The following ATP8B1 variants were observed in gnomAD, a reference collection of about 807,000 sequenced individuals.
The protein encoded by ATP8B1 is ATPase phospholipid transporting 8B1, also known as phospholipid-transporting ATPase IC.
In ATP8B1, 80 loss-of-function variants were observed where a neutral mutation model predicts 149.9. That is an observed-to-expected ratio of 0.53 (90% confidence interval 0.45 to 0.64). ATP8B1 has a LOEUF of 0.64. Among genes scored for constraint, ATP8B1 ranks in the 30% least tolerant of loss-of-function variants. The pLI is 0.00. For missense variants in ATP8B1, 1,247 were observed against 1,552.6 expected (o/e 0.80, Z 3.31); for synonymous variants, 536 against 562.8 (o/e 0.95, Z 0.67).
intron 1 of ATP8B1, among the ~76,000 whole-genome samples, chr18:57,797,026 T>C (rs564464729): frequency 2.0e-5 from 3 of 152,226 alleles, no homozygotes; most frequent in Admixed American, 6.5e-5. Flanking sequence ...ACTCACTAAG[T>C]TCCAGGAAGA....
At chr18:57,658,627 TTGTGTGTGTGTGTGTGTGTGTG>T (rs71171058) in intron 22 of ATP8B1, among the ~76,000 whole-genome samples, 16 of 144,984 alleles carry the variant, frequency 1.1e-4, no homozygotes, top group Admixed American at 7.0e-5. Flanking sequence ...AACAATTTCT[TTGTGTGTGTGTGTGTGTGTGTG>T]TGTGTGTGTG....
At chr18:57,795,286 C>G (rs574560639) in intron 1 of ATP8B1, among the ~76,000 whole-genome samples, 8 of 151,776 alleles carry the variant, frequency 5.3e-5, no homozygotes, top group African/African-American at 1.9e-4. Context: ...GTCTGTAGTC[C>G]CAGACATTTG....
intron 1 of ATP8B1, among the ~76,000 whole-genome samples, chr18:57,756,192 C>CGT (rs2080076192): frequency 1.2e-5 from 1 of 84,756 alleles, no homozygotes. Flanking sequence ...ATTTCCACAA[C>CGT]ATATATATAT....
intron 6 of ATP8B1, among the ~76,000 whole-genome samples, chr18:57,698,186 CCTG>C (rs1303806908): frequency 6.6e-6 from 1 of 152,146 alleles, no homozygotes; most frequent in African/African-American, 2.4e-5. Context: ...AACTTGCCTC[CCTG>C]CTGTGTTCCT....
intron 1 of ATP8B1, among the ~76,000 whole-genome samples, chr18:57,786,276 C>G (rs145614377): frequency 1.1e-3 from 175 of 152,274 alleles, no homozygotes; most frequent in African/African-American, 3.9e-3. Flanking sequence ...CTGCTTCTCA[C>G]CTGCTCAAGG....
At chr18:57,715,175 TAA>T (rs1259327636) in intron 2 of ATP8B1, among the ~76,000 whole-genome samples, 2 of 152,052 alleles carry the variant, frequency 1.3e-5, no homozygotes, top group South Asian at 2.1e-4. Flanking sequence ...TTGAAATAAT[TAA>T]AAAGAGTCAA....
chr18:57,718,103 TAA>T (rs59629558), intron 2 of ATP8B1, among the ~76,000 whole-genome samples: 22 of 31,812 alleles, frequency 6.9e-4, no homozygotes, highest in East Asian at 4.0e-3. Context: ...CTGGACTAAC[TAA>T]AAAAAAAAAA....
chr18:57,782,423 A>G (rs894119730), intron 1 of ATP8B1, among the ~76,000 whole-genome samples: 3 of 152,166 alleles, frequency 2.0e-5, no homozygotes, highest in African/African-American at 7.2e-5. Context: ...ATTTTTTATT[A>G]TGCGTGTAGG....
At chr18:57,650,531 T>G (rs1189475410) in intron 26 of ATP8B1, 34 bp from the exon 27 acceptor site, 1 of 1,606,974 alleles carries the variant, frequency 6.2e-7, no homozygotes, top group African/African-American at 1.3e-5. Flanking sequence ...TCACTGTGGT[T>G]CTTTTTTCCT....
intron 17 of ATP8B1, among the ~76,000 whole-genome samples, chr18:57,670,991 G>C (rs867751326): frequency 6.6e-6 from 1 of 152,226 alleles, no homozygotes; most frequent in Non-Finnish European, 1.5e-5. Context: ...CTACAGGCAT[G>C]AGACACCAAA....
chr18:57,760,058 A>T (rs1334415005), intron 1 of ATP8B1, among the ~76,000 whole-genome samples: 1 of 152,140 alleles, frequency 6.6e-6, no homozygotes, highest in Non-Finnish European at 1.5e-5. Flanking sequence ...CAAACCCTCT[A>T]CATACCAGCA....
intron 1 of ATP8B1, among the ~76,000 whole-genome samples, chr18:57,758,844 C>A (rs2080113375): frequency 6.6e-6 from 1 of 151,910 alleles, no homozygotes; most frequent in Admixed American, 6.6e-5. Flanking sequence ...ATGTATAAAT[C>A]ATTTTCCTGG....
chr18:57,755,060 A>G (rs1327663117), intron 1 of ATP8B1, among the ~76,000 whole-genome samples: 1 of 152,094 alleles, frequency 6.6e-6, no homozygotes, highest in East Asian at 1.9e-4. Flanking sequence ...AGAAATAGAA[A>G]TTGTCTTTAC....
At chr18:57,707,159 A>AG (rs1318340663) in intron 2 of ATP8B1, among the ~76,000 whole-genome samples, 1 of 152,110 alleles carries the variant, frequency 6.6e-6, no homozygotes, top group African/African-American at 2.4e-5. Context: ...AGCCAGGTGC[A>AG]GTGGCGGGCA....
intron 1 of ATP8B1, among the ~76,000 whole-genome samples, chr18:57,785,270 C>T (rs1419605672): frequency 6.6e-6 from 1 of 152,138 alleles, no homozygotes; most frequent in Non-Finnish European, 1.5e-5. Flanking sequence ...TGGATTTTCC[C>T]CTGTATGTAA....
chr18:57,676,737 AAG>A (rs1911621796), intron 15 of ATP8B1, among the ~76,000 whole-genome samples: 1 of 150,906 alleles, frequency 6.6e-6, no homozygotes, highest in Admixed American at 6.6e-5. Context: ...AAAAAAAAAA[AAG>A]AAAGAAAGAA....
chr18:57,667,894 C>T (rs1029382618), intron 19 of ATP8B1: 2 of 293,886 alleles, frequency 6.8e-6, no homozygotes, highest in South Asian at 3.7e-5. Flanking sequence ...ACGATTTCAG[C>T]GCAAGAGACA....
At chr18:57,764,872 A>G (rs903619108) in intron 1 of ATP8B1, among the ~76,000 whole-genome samples, 1 of 152,168 alleles carries the variant, frequency 6.6e-6, no homozygotes, top group Non-Finnish European at 1.5e-5. Context: ...TGTGGAAAAC[A>G]GCATAATGGT....
In ATP8B1 at chr18:57,784,447, G is replaced by T. The variant is rs2080388172; in HGVS notation, c.-26+18551C>A. 6.6e-6 allele frequency among the ~76,000 whole-genome samples: 1 copy of T among 152,150 alleles called. No individual in the cohort carries two copies. The highest frequency in any genetic ancestry group is 1.9e-4 in the East Asian group (1 of 5,194). ...CCTCGCGGATGGCAGCGGAGATAGA[G>T]GTTATCAGGTGGAGTCAAGGTCTTC... On this transcript the variant is annotated intron_variant, in intron 1 of 27. Coordinates refer to ENST00000648908, the MANE Select transcript of ATP8B1 (RefSeq NM_001374385.1). The surrounding 1 kb of genome is among the most constrained non-coding windows in gnomAD (Gnocchi z 4.4).
Sources: gnomAD v4.1 joint callset for allele counts (sites outside exome capture counted in the v4.1 genomes callset) on GRCh38, gnomAD v4.1.1 for gene constraint, Gnocchi (gnomAD v3.1) non-coding constraint, MANE v1.5 for transcripts, NCBI Gene and HGNC (gene_info 2026-07-23, HGNC 2026-07-21) for gene names.